The following TMPRSS12 variants were observed in gnomAD, a reference collection of about 807,000 sequenced individuals.
TMPRSS12 encodes transmembrane protease serine 12.
In TMPRSS12, 25 loss-of-function variants were observed where a neutral mutation model predicts 26.0. The ratio of observed to expected loss-of-function variants is 0.96; its 90% CI spans 0.70 to 1.34. The LOEUF (loss-of-function observed/expected upper bound fraction) is 1.34, where lower values mean the gene tolerates loss of function less well. Ranked by LOEUF, TMPRSS12 falls within the 40% of genes most tolerant of loss-of-function variation. TMPRSS12 has a pLI of 0.00. For synonymous variants in TMPRSS12, 150 were observed against 161.7 expected (o/e 0.93, Z 0.55); for missense variants, 441 against 440.1 (o/e 1.00, Z -0.02).
chr12:50,867,530 C>T (rs1938003106), intron 3 of TMPRSS12, among the ~76,000 whole-genome samples: 1 of 152,100 alleles, frequency 6.6e-6, no homozygotes, highest in Admixed American at 6.5e-5. Context: ...GAAGAGAAAC[C>T]TAAAGTTTGG....
Position 50,887,836 on chromosome 12 carries a change from C to T in TMPRSS12, c.*323C>T, listed in dbSNP as rs17125057. ...AGTTTATAATTAAAATGAAAGCTGTCATTTGGTTAAATTAATAAAAATTCT... is the reference window on the plus strand; with the variant it reads ...AGTTTATAATTAAAATGAAAGCTGTTATTTGGTTAAATTAATAAAAATTCT... On this transcript the variant is annotated 3_prime_UTR_variant, in exon 5 of 5. Coordinates refer to ENST00000398458, the MANE Select transcript of TMPRSS12 (RefSeq NM_182559.3). 0.039 allele frequency: 6,832 copies of T among 175,236 alleles called. 512 individuals carry two copies. The highest frequency in any genetic ancestry group is 0.15 in the African/African-American group (6,477 of 42,530). The allele number at this position is 175,236 out of a possible 1,614,324, so 10.9% of individuals were successfully genotyped here.
At chr12:50,857,773 T>C (rs1159011813) in intron 2 of TMPRSS12, among the ~76,000 whole-genome samples, 1 of 151,466 alleles carries the variant, frequency 6.6e-6, no homozygotes, top group East Asian at 1.9e-4. Context: ...TCTAGATTTT[T>C]TTCTGGTTTA....
rs562275164 is a variant in TMPRSS12 at position 50,846,368 on chromosome 12, T to C, written c.383+2331T>C. The stretch of plus-strand genomic sequence containing the variant: ...CATTGTTTTACGTGCAGCTATCAAG[T>C]TTCCCCAGCACCATCTATTGAAAAG... On this transcript the variant is annotated intron_variant, in intron 2 of 4. Transcript: ENST00000398458. 4.4e-4 allele frequency among the ~76,000 whole-genome samples: 67 copies of C among 152,282 alleles called. No individual in the cohort carries two copies. The South Asian group carries it at 0.01, about 24-fold the overall frequency.
intron 2 of TMPRSS12, among the ~76,000 whole-genome samples, chr12:50,856,183 A>G (rs765348374): frequency 5.3e-5 from 8 of 152,082 alleles, no homozygotes; most frequent in Non-Finnish European, 1.2e-4. Context: ...CAGCACGTGT[A>G]CCCCCGAACC....
At position 50,885,280 on chromosome 12, in the gene TMPRSS12, G is replaced by A. The variant is rs746570828; in HGVS notation, c.687G>A (p.Val229=). ...NATNILQDAE[V]HYISREMCNS... is the part of the protein sequence containing the mutation. Reference sequence around the variant, plus strand: ...CAAATATTTTACAAGATGCAGAAGTGCATTATATTTCTCGAGAGATGTGTA... The same window carrying A: ...CAAATATTTTACAAGATGCAGAAGTACATTATATTTCTCGAGAGATGTGTA... The change falls in exon 4 of 5, where the codon GTG becomes GTA. Residue 229 remains valine (V), a synonymous_variant. Transcript: ENST00000398458. 1.9e-6 allele frequency: 3 copies of A among 1,610,698 alleles called. No homozygotes were observed. The highest frequency in any genetic ancestry group is 2.2e-5 in the East Asian group (1 of 44,810).
chr12:50,855,557 C>G (rs1027436972), intron 2 of TMPRSS12, among the ~76,000 whole-genome samples: 7 of 152,134 alleles, frequency 4.6e-5, no homozygotes, highest in Non-Finnish European at 1.0e-4. Flanking sequence ...AAAAAAATAA[C>G]AGATTCTAGC....
At chr12:50,887,207 T>C in intron 4 of TMPRSS12, 55 bp from the exon 5 acceptor site, 1 of 1,546,398 alleles carries the variant, frequency 6.5e-7, no homozygotes, top group Non-Finnish European at 8.8e-7. Flanking sequence ...CCAGTGTTAC[T>C]GTTGCTTGAA....
chr12:50,863,420 C>T (rs1205199140), intron 3 of TMPRSS12, among the ~76,000 whole-genome samples: 1 of 151,984 alleles, frequency 6.6e-6, no homozygotes, highest in Non-Finnish European at 1.5e-5. Context: ...AATTGTACCC[C>T]TAGATATTTA....
At chr12:50,857,500 C>T (rs1334968704) in intron 2 of TMPRSS12, among the ~76,000 whole-genome samples, 1 of 152,138 alleles carries the variant, frequency 6.6e-6, no homozygotes, top group African/African-American at 2.4e-5. Flanking sequence ...CTCACATAAA[C>T]ATTGCCAATT....
chr12:50,866,899 G>C (rs898408166), intron 3 of TMPRSS12, among the ~76,000 whole-genome samples: 3 of 152,156 alleles, frequency 2.0e-5, no homozygotes, highest in Non-Finnish European at 4.4e-5. Context: ...CTGCAGCTCG[G>C]TTCTCAGGAA....
chr12:50,864,693 C>T (rs1031388975), intron 3 of TMPRSS12, among the ~76,000 whole-genome samples: 1 of 152,166 alleles, frequency 6.6e-6, no homozygotes, highest in Non-Finnish European at 1.5e-5. Context: ...GAGTCTTGCT[C>T]TGTCACCCAG....
At chr12:50,853,143 C>A (rs188434279) in intron 2 of TMPRSS12, among the ~76,000 whole-genome samples, 1 of 152,058 alleles carries the variant, frequency 6.6e-6, no homozygotes, top group African/African-American at 2.4e-5. Flanking sequence ...TGGATCACAA[C>A]GTGATAAAAA....
chr12:50,867,286 A>G, intron 3 of TMPRSS12, among the ~76,000 whole-genome samples: 1 of 152,256 alleles, frequency 6.6e-6, no homozygotes, highest in African/African-American at 2.4e-5. Context: ...GCATCAAGAA[A>G]AAACAAAACT....
intron 2 of TMPRSS12, among the ~76,000 whole-genome samples, chr12:50,858,064 G>A (rs896919812): frequency 1.3e-5 from 2 of 152,050 alleles, no homozygotes; most frequent in Non-Finnish European, 2.9e-5. Flanking sequence ...GGATGGTCTC[G>A]ATCTCCTGAC....
At chr12:50,882,500 T>C (rs936190764) in intron 3 of TMPRSS12, among the ~76,000 whole-genome samples, 8 of 151,910 alleles carry the variant, frequency 5.3e-5, no homozygotes, top group African/African-American at 1.9e-4. Context: ...TCCAGTTTTC[T>C]GAAAAAACAA....
chr12:50,860,005 C>T (rs1245102413), intron 3 of TMPRSS12, among the ~76,000 whole-genome samples: 1 of 151,912 alleles, frequency 6.6e-6, no homozygotes, highest in African/African-American at 2.4e-5. Flanking sequence ...TCTATTTTTC[C>T]TTGTGGGATA....
chr12:50,875,352 G>A (rs1938102871), intron 3 of TMPRSS12, among the ~76,000 whole-genome samples: 2 of 151,832 alleles, frequency 1.3e-5, no homozygotes, highest in East Asian at 1.9e-4. Flanking sequence ...TTAGCCAGGT[G>A]TGGTGGCACA....
At position 50,872,790 on chromosome 12, in the gene TMPRSS12, T is replaced by TCTATATATGTACATATATA. The variant is rs1938071330; in HGVS notation, c.653-12456_653-12455insCTATATATGTACATATATA. ...TATGACGTATATATGTACATATATA[T>TCTATATATGTACATATATA]GACGTATATATGTACATATATATGA... is the stretch of plus-strand genomic sequence containing the variant. On this transcript the variant is annotated intron_variant, in intron 3 of 4. Coordinates refer to ENST00000398458, the MANE Select transcript of TMPRSS12 (RefSeq NM_182559.3). 6.9e-4 allele frequency among the ~76,000 whole-genome samples: 13 copies of TCTATATATGTACATATATA among 18,896 alleles called. 1 individual carries two copies. The highest frequency in any genetic ancestry group is 1.1e-3 in the Non-Finnish European group (9 of 8,504). 12.4% of individuals were successfully genotyped at this position (18,896 alleles called of 152,430 possible).
At chr12:50,853,972 C>G (rs1937852178) in intron 2 of TMPRSS12, among the ~76,000 whole-genome samples, 1 of 152,082 alleles carries the variant, frequency 6.6e-6, no homozygotes, top group Non-Finnish European at 1.5e-5. Context: ...CTAATTCATT[C>G]TACAAAGCCA....
Sources: gnomAD v4.1 joint callset for allele counts (sites outside exome capture counted in the v4.1 genomes callset) on GRCh38, gnomAD v4.1.1 for gene constraint, MANE v1.5 for transcripts, NCBI Gene and HGNC (gene_info 2026-07-23, HGNC 2026-07-21) for gene names.